The following FRMD4A variants were observed in gnomAD, a reference collection of about 807,000 sequenced individuals.
The protein encoded by FRMD4A is FERM domain containing 4A, also known as FERM domain-containing protein 4A.
Under a neutral mutation model 129.1 loss-of-function variants are expected in FRMD4A, and 29 were observed. That is an observed-to-expected ratio of 0.22 (90% CI 0.17 to 0.31). The LOEUF (loss-of-function observed/expected upper bound fraction) is 0.31, where lower values mean the gene tolerates loss of function less well. Among genes scored for constraint, FRMD4A ranks in the 10% least tolerant of loss-of-function variants. The pLI, the probability that FRMD4A is intolerant of heterozygous loss-of-function variation, is 1.00. For synonymous variants in FRMD4A, 634 were observed against 571.6 expected (o/e 1.11, Z -1.56); for missense variants, 1,272 against 1,375.8 (o/e 0.92, Z 1.19).
chr10:13,705,000 G>A (rs888965278), intron 13 of FRMD4A, among the ~76,000 whole-genome samples: 1 of 152,172 alleles, frequency 6.6e-6, no homozygotes, highest in Non-Finnish European at 1.5e-5. Context: ...CTTGAGCCTG[G>A]AAGGTGGAGG....
intron 2 of FRMD4A, among the ~76,000 whole-genome samples, chr10:14,190,128 T>C (rs774627492): frequency 1.3e-5 from 2 of 152,220 alleles, no homozygotes; most frequent in African/African-American, 4.8e-5. Flanking sequence ...GTTTTGGTTA[T>C]CACTCCCATT....
At chr10:13,738,941 C>A (rs570117434) in intron 11 of FRMD4A, among the ~76,000 whole-genome samples, 1 of 152,082 alleles carries the variant, frequency 6.6e-6, no homozygotes, top group South Asian at 2.1e-4. Context: ...TTAACAGAGA[C>A]CTCTTGTCAC....
intron 2 of FRMD4A, among the ~76,000 whole-genome samples, chr10:14,220,078 C>G (rs1843199518): frequency 6.6e-6 from 1 of 152,178 alleles, no homozygotes; most frequent in Admixed American, 6.6e-5. Context: ...TCCTGACAAT[C>G]CCGGGTCTGG....
intron 2 of FRMD4A, among the ~76,000 whole-genome samples, chr10:13,867,488 TG>T (rs2094382314): frequency 6.7e-6 from 1 of 149,514 alleles, no homozygotes; most frequent in Admixed American, 6.8e-5. Context: ...CTTGAACTCC[TG>T]GGCTCAAGTG....
intron 2 of FRMD4A, among the ~76,000 whole-genome samples, chr10:14,298,476 G>A (rs923491994): frequency 1.3e-5 from 2 of 152,140 alleles, no homozygotes; most frequent in Admixed American, 1.3e-4. Flanking sequence ...CCCATGCCCT[G>A]CCTGAGGGAA....
At chr10:13,767,521 G>A (rs1157027452) in intron 6 of FRMD4A, among the ~76,000 whole-genome samples, 2 of 152,152 alleles carry the variant, frequency 1.3e-5, no homozygotes, top group African/African-American at 4.8e-5. Context: ...TTACAGGCAT[G>A]AGCCTCCGTG....
intron 2 of FRMD4A, among the ~76,000 whole-genome samples, chr10:13,859,362 C>T (rs2094260965): frequency 6.6e-6 from 1 of 152,102 alleles, no homozygotes; most frequent in South Asian, 2.1e-4. Flanking sequence ...CCAGCCTGGG[C>T]AACAAGAGCA....
At chr10:13,805,377 A>G (rs1308052835) in intron 4 of FRMD4A, among the ~76,000 whole-genome samples, 1 of 152,030 alleles carries the variant, frequency 6.6e-6, no homozygotes, top group Non-Finnish European at 1.5e-5. Flanking sequence ...GTAATGGCTA[A>G]CCAAGTTTCT....
At chr10:13,975,764 T>C (rs914190169) in intron 2 of FRMD4A, among the ~76,000 whole-genome samples, 1 of 151,740 alleles carries the variant, frequency 6.6e-6, no homozygotes. Flanking sequence ...TTTCTATGTG[T>C]GTGTGTACAC....
chr10:13,902,043 G>T (rs955600578), intron 2 of FRMD4A, among the ~76,000 whole-genome samples: 3 of 152,134 alleles, frequency 2.0e-5, no homozygotes, highest in South Asian at 2.1e-4. Flanking sequence ...TAGAGACAGG[G>T]TCTCACACTG....
At chr10:14,283,243 A>C (rs1344439379) in intron 2 of FRMD4A, among the ~76,000 whole-genome samples, 2 of 152,338 alleles carry the variant, frequency 1.3e-5, no homozygotes, top group African/African-American at 4.8e-5. Flanking sequence ...TTCCTTGTAG[A>C]AGCTAACTTT....
intron 2 of FRMD4A, among the ~76,000 whole-genome samples, chr10:13,997,475 G>A (rs1423040450): frequency 6.6e-6 from 1 of 151,936 alleles, no homozygotes; most frequent in Non-Finnish European, 1.5e-5. Context: ...CTGTTTTTCT[G>A]GAACACTATA....
In FRMD4A at chr10:13,737,916, T is replaced by A. The variant is rs748915661; in HGVS notation, c.687A>T (p.Ile229=). The A allele has an allele frequency of 2.8e-5, 44 of 1,594,482 alleles. No individual in the cohort carries two copies. Among genetic ancestry groups the A allele is most frequent in the Admixed American group, 5.0e-5 (3 of 59,906 alleles). The change falls in exon 12 of 25, where the codon ATA becomes ATT. Residue 229 remains isoleucine (I), a synonymous_variant. Transcript: ENST00000357447. ...TGTAGCTCAGGCCCAGCCACCATGGTATGCCCTGCTTGTCCTAGGATATCA... is the reference window on the plus strand; with the variant it reads ...TGTAGCTCAGGCCCAGCCACCATGGAATGCCCTGCTTGTCCTAGGATATCA... ...HYYAVKDKQG[I]PWWLGLSYKG...
At chr10:14,136,360 C>T (rs1012481555) in intron 2 of FRMD4A, among the ~76,000 whole-genome samples, 1 of 152,136 alleles carries the variant, frequency 6.6e-6, no homozygotes, top group African/African-American at 2.4e-5. Flanking sequence ...GAGATGTTAA[C>T]CCCAAAACAG....
chr10:14,024,320 T>A (rs1005150473), intron 2 of FRMD4A, among the ~76,000 whole-genome samples: 1 of 152,210 alleles, frequency 6.6e-6, no homozygotes, highest in East Asian at 1.9e-4. Flanking sequence ...GGGGAGACTC[T>A]CTTGCGCCTG....
chr10:13,856,185 T>C (rs989823549), intron 3 of FRMD4A, among the ~76,000 whole-genome samples: 5 of 151,368 alleles, frequency 3.3e-5, no homozygotes, highest in African/African-American at 1.2e-4. Flanking sequence ...TATAGGTAGA[T>C]AGTGTGTGTA....
chr10:14,208,523 C>T (rs188224750), intron 2 of FRMD4A, among the ~76,000 whole-genome samples: 4 of 152,096 alleles, frequency 2.6e-5, no homozygotes, highest in African/African-American at 9.7e-5. Context: ...CGAGCCCTGC[C>T]TTGGGGAAGG....
At chr10:14,162,641 G>GTTTTT (rs71388160) in intron 2 of FRMD4A, among the ~76,000 whole-genome samples, 14 of 118,378 alleles carry the variant, frequency 1.2e-4, no homozygotes, top group African/African-American at 2.8e-4. Flanking sequence ...TTTTTTTTTT[G>GTTTTT]TTTTTTTTTT....
chr10:14,251,666 T>C (rs1844445571), intron 2 of FRMD4A, among the ~76,000 whole-genome samples: 1 of 152,180 alleles, frequency 6.6e-6, no homozygotes, highest in African/African-American at 2.4e-5. Context: ...CAGGTGATAT[T>C]AAGGAGTTTT....
Sources: allele counts gnomAD v4.1 joint callset (sites outside exome capture counted in the v4.1 genomes callset), GRCh38; gene constraint gnomAD v4.1.1; transcripts MANE v1.5; gene names NCBI Gene and HGNC (gene_info 2026-07-23, HGNC 2026-07-21).